Variants in ARPP21 observed in about 807,000 individuals in gnomAD.
The protein encoded by ARPP21 is cAMP regulated phosphoprotein 21.
ARPP21 carries 69 observed loss-of-function variants against 113.2 expected under a neutral mutation model. That is an observed-to-expected ratio of 0.61 (90% CI 0.50 to 0.74). The LOEUF is 0.74. ARPP21 is among the 30% of genes least tolerant of loss of function. The pLI, the probability that ARPP21 is intolerant of heterozygous loss-of-function variation, is 0.00. For synonymous variants in ARPP21, 368 were observed against 375.5 expected, an observed-to-expected ratio of 0.98 and a Z score of 0.23; for missense variants, 1,070 against 1,037.4, an observed-to-expected ratio of 1.03 and a Z score of -0.43.
intron 5 of ARPP21, chr3:35,684,372 A>G: frequency 2.0e-6 from 2 of 996,636 alleles, no homozygotes; most frequent in Admixed American, 5.4e-5. Flanking sequence ...CTTTAAGTTA[A>G]TATTATTAAT....
intron 19 of ARPP21, among the ~76,000 whole-genome samples, chr3:35,787,155 A>G (rs577404192): frequency 1.7e-4 from 26 of 152,174 alleles, no homozygotes; most frequent in Non-Finnish European, 2.5e-4. Flanking sequence ...CCAGGCCTTC[A>G]TCTGATGTCC....
At chr3:35,640,425 A>G (rs939829732) in intron 1 of ARPP21, 27 bp downstream of exon 1, 1 of 152,202 alleles carries the variant, frequency 6.6e-6, no homozygotes, top group Admixed American at 6.5e-5. Flanking sequence ...TCCGACGTGA[A>G]CATTGCACGC....
intron 9 of ARPP21, among the ~76,000 whole-genome samples, chr3:35,705,876 GA>G (rs564748413): frequency 4.5e-4 from 68 of 152,052 alleles, no homozygotes; most frequent in Middle Eastern, 3.4e-3. Flanking sequence ...TTTAAGGAAA[GA>G]AAAAAATGCT....
intron 19 of ARPP21, among the ~76,000 whole-genome samples, chr3:35,746,061 G>T (rs947132326): frequency 1.3e-5 from 2 of 152,166 alleles, no homozygotes; most frequent in Admixed American, 6.5e-5. Flanking sequence ...AAAGTGAAAT[G>T]ATCATAAACA....
intron 1 of ARPP21, among the ~76,000 whole-genome samples, chr3:35,652,965 TGTGA>T (rs1307591983): frequency 6.6e-6 from 1 of 151,836 alleles, no homozygotes; most frequent in African/African-American, 2.4e-5. Flanking sequence ...TCTGTAGCCT[TGTGA>T]GTATTATTTG....
chr3:35,780,526 A>C lies in ARPP21; in HGVS notation c.2138-11856A>C, dbSNP rs2096497168. Among the ~76,000 whole-genome samples, 6 of 152,042 alleles carry C rather than the reference A, an allele frequency of 3.9e-5. No individual in the cohort carries two copies. The South Asian group carries it at 1.2e-3, about 32-fold the overall frequency. On this transcript the variant is annotated intron_variant, in intron 19 of 20. Coordinates refer to ENST00000684406, the MANE Select transcript of ARPP21 (RefSeq NM_001385562.1). ...AGAACAATGAACTAAGAGAGTAGAG[A>C]TGGCCTCCCCCGCAGTGTAATTTGC... is the stretch of plus-strand genomic sequence containing the variant.
At chr3:35,702,442 C>T (rs2086793063) in intron 9 of ARPP21, among the ~76,000 whole-genome samples, 1 of 151,678 alleles carries the variant, frequency 6.6e-6, no homozygotes, top group Admixed American at 6.6e-5. Context: ...TTTTAAGTCT[C>T]CAAATCCACG....
At chr3:35,738,386 G>A (rs2094479519) in intron 17 of ARPP21, 68 bp downstream of exon 17, 3 of 1,334,740 alleles carry the variant, frequency 2.2e-6, no homozygotes, top group Non-Finnish European at 3.1e-6. Flanking sequence ...CTACTTTTTT[G>A]TGTGCCACTG....
rs1356088600 is a variant in ARPP21, at chr3:35,729,237, A to G, written c.1226-66A>G. 2.6e-5 allele frequency: 29 copies of G among 1,110,218 alleles called. No homozygotes were observed. The South Asian group carries it at 3.2e-4, about 12-fold the overall frequency. The allele number at this position is 1,110,218 out of a possible 1,614,324, so 68.8% of individuals were successfully genotyped here. On this transcript the variant is annotated intron_variant, in intron 14 of 20. Transcript: ENST00000684406. ...GTGTCGCAGAAAAGTGAGCATTTAG[A>G]CTCAGATTGGTGCTTTCTCTCATCT... is the stretch of plus-strand genomic sequence containing the variant.
At chr3:35,666,737 A>G (rs2074458086) in intron 1 of ARPP21, among the ~76,000 whole-genome samples, 3 of 152,196 alleles carry the variant, frequency 2.0e-5, no homozygotes. Flanking sequence ...TCAACCACAA[A>G]CATGCTTTAC....
chr3:35,668,016 AG>A (rs1469995097), intron 1 of ARPP21, among the ~76,000 whole-genome samples: 1 of 150,410 alleles, frequency 6.6e-6, no homozygotes, highest in Non-Finnish European at 1.5e-5. Flanking sequence ...AAGAAGAAGA[AG>A]AAGAAGAAGA....
At chr3:35,771,336 T>G (rs1036035106) in intron 19 of ARPP21, among the ~76,000 whole-genome samples, 7 of 151,844 alleles carry the variant, frequency 4.6e-5, no homozygotes, top group African/African-American at 1.5e-4. Context: ...AATGATTGTT[T>G]TTTTTTTTTT....
At chr3:35,718,351 T>A (rs1390387528) in intron 13 of ARPP21, among the ~76,000 whole-genome samples, 4 of 152,190 alleles carry the variant, frequency 2.6e-5, no homozygotes, top group Non-Finnish European at 5.9e-5. Context: ...AGACAATTAA[T>A]TTTCTTTTCC....
At chr3:35,772,925 T>A (rs1333879794) in intron 19 of ARPP21, among the ~76,000 whole-genome samples, 1 of 152,190 alleles carries the variant, frequency 6.6e-6, no homozygotes, top group East Asian at 1.9e-4. Context: ...CATTATTAGG[T>A]TGCAATTATT....
intron 5 of ARPP21, chr3:35,684,445 A>G: frequency 1.0e-6 from 1 of 979,976 alleles, no homozygotes; most frequent in Non-Finnish European, 1.2e-6. Context: ...GGTTATAAAA[A>G]TTTAAATTTA....
chr3:35,737,094 T>C, intron 15 of ARPP21, 84 bp from the exon 16 acceptor site: 1 of 805,088 alleles, frequency 1.2e-6, no homozygotes, highest in South Asian at 1.8e-5. Flanking sequence ...TTTAGGTTAC[T>C]TTTTGAGTAT....
At chr3:35,747,820 G>C (rs1180942112) in intron 19 of ARPP21, among the ~76,000 whole-genome samples, 1 of 151,900 alleles carries the variant, frequency 6.6e-6, no homozygotes, top group Non-Finnish European at 1.5e-5. Context: ...CCTGAGGTGA[G>C]AGGATTGCTT....
At chr3:35,646,051 C>T (rs1172452736) in intron 1 of ARPP21, among the ~76,000 whole-genome samples, 1 of 151,950 alleles carries the variant, frequency 6.6e-6, no homozygotes. Flanking sequence ...TAGCTATCAT[C>T]TAAATGTTCA....
At chr3:35,792,581 A>C (rs758746332) in intron 20 of ARPP21, 51 bp downstream of exon 20, 1 of 1,587,774 alleles carries the variant, frequency 6.3e-7, no homozygotes, top group South Asian at 1.1e-5. Flanking sequence ...GAATTTGCCA[A>C]AGTGGAAGCT....
Sources: allele counts gnomAD v4.1 joint callset (sites outside exome capture counted in the v4.1 genomes callset), GRCh38; gene constraint gnomAD v4.1.1; transcripts MANE v1.5; gene names NCBI Gene and HGNC (gene_info 2026-07-23, HGNC 2026-07-21).